The following IL1RAPL1 variants were observed in gnomAD, a reference collection of about 807,000 sequenced individuals.
IL1RAPL1 encodes interleukin-1 receptor accessory protein-like 1.
Under a neutral mutation model 48.4 loss-of-function variants are expected in IL1RAPL1, and 3 were observed. The ratio of observed to expected loss-of-function variants is 0.06; its 90% CI spans 0.03 to 0.16. The LOEUF is 0.16. Among genes scored for constraint, IL1RAPL1 ranks in the 10% least tolerant of loss-of-function variants. IL1RAPL1 has a pLI of 1.00. For missense variants in IL1RAPL1, 349 were observed against 530.6 expected, an observed-to-expected ratio of 0.66 and a Z score of 3.36; for synonymous variants, 185 against 187.7, an observed-to-expected ratio of 0.99 and a Z score of 0.12.
intron 2 of IL1RAPL1, among the ~76,000 whole-genome samples, chrX:28,883,533 T>A (rs1922555821): frequency 8.9e-6 from 1 of 112,188 alleles, no homozygotes; most frequent in Admixed American, 9.5e-5. Context: ...GAGTGAGACT[T>A]GTAAGTATTG....
chrX:29,034,916 G>A (rs954628250), intron 2 of IL1RAPL1, among the ~76,000 whole-genome samples: 125 of 107,975 alleles, frequency 1.2e-3, no homozygotes, highest in African/African-American at 4.0e-3. Context: ...GTGCAGTGGC[G>A]GGATCTCGCC....
intron 3 of IL1RAPL1, among the ~76,000 whole-genome samples, chrX:29,375,682 G>C (rs1008165037): frequency 8.9e-6 from 1 of 111,947 alleles, no homozygotes; most frequent in Non-Finnish European, 1.9e-5. Flanking sequence ...CTTCATTACA[G>C]CTTCCTCACA....
chrX:28,643,148 C>A (rs1934566309), intron 1 of IL1RAPL1, among the ~76,000 whole-genome samples: 1 of 111,487 alleles, frequency 9.0e-6, no homozygotes, highest in Non-Finnish European at 1.9e-5. Flanking sequence ...CTTGGCCTCC[C>A]AAAATGTTGG....
At chrX:28,821,905 A>G (rs1405632602) in intron 2 of IL1RAPL1, among the ~76,000 whole-genome samples, 1 of 111,508 alleles carries the variant, frequency 9.0e-6, no homozygotes, top group East Asian at 2.8e-4. Context: ...ACCAATATAC[A>G]CAGACACAGG....
In IL1RAPL1 at chrX:29,517,818, A is replaced by G. The variant is rs73450658; in HGVS notation, c.703+118510A>G. ...AGTAATCATTGGGCAGGTGGTGAGG[A>G]GGAACAGATTAGAAAATGGTTCCTC... On this transcript the variant is annotated intron_variant, in intron 5 of 10. Coordinates refer to ENST00000378993, the MANE Select transcript of IL1RAPL1 (RefSeq NM_014271.4). 8.9e-3 allele frequency among the ~76,000 whole-genome samples: 1,001 copies of G among 111,919 alleles called. 11 individuals carry two copies. Among genetic ancestry groups the G allele is most frequent in the African/African-American group, 0.031 (954 of 30,839 alleles).
intron 3 of IL1RAPL1, among the ~76,000 whole-genome samples, chrX:29,334,865 A>C (rs1356398266): frequency 6.2e-5 from 7 of 112,698 alleles, no homozygotes; most frequent in African/African-American, 2.3e-4. Flanking sequence ...CTCACTTCCC[A>C]GACGGGTTGG....
intron 3 of IL1RAPL1, among the ~76,000 whole-genome samples, chrX:29,372,695 GCCC>G (rs1933561141): frequency 9.2e-6 from 1 of 108,913 alleles, no homozygotes; most frequent in Non-Finnish European, 1.9e-5. Context: ...GCTTTTGTTA[GCCC>G]CATCAAAGAT....
intron 2 of IL1RAPL1, among the ~76,000 whole-genome samples, chrX:29,122,097 A>C (rs73210069): frequency 0.21 from 23,330 of 110,050 alleles, 2,211 homozygotes; most frequent in African/African-American, 0.35. Flanking sequence ...TTCATCCAGC[A>C]TTAGGAAAAT....
intron 5 of IL1RAPL1, among the ~76,000 whole-genome samples, chrX:29,510,759 C>T (rs1218065472): frequency 2.7e-5 from 3 of 111,720 alleles, no homozygotes; most frequent in Admixed American, 9.5e-5. Flanking sequence ...TCTAGTCATA[C>T]GGGGCCTTTC....
At chrX:29,663,281 G>A (rs1391569144) in intron 5 of IL1RAPL1, among the ~76,000 whole-genome samples, 1 of 112,260 alleles carries the variant, frequency 8.9e-6, no homozygotes, top group East Asian at 2.8e-4. Flanking sequence ...AATGGAGTGA[G>A]TCAGTGCAAT....
intron 6 of IL1RAPL1, among the ~76,000 whole-genome samples, chrX:29,850,383 GCAGTCCAC>G (rs907205917): frequency 8.9e-6 from 1 of 112,278 alleles, no homozygotes; most frequent in African/African-American, 3.2e-5. Flanking sequence ...GTTTCAAAAT[GCAGTCCAC>G]CAGTTCCAGG....
chrX:29,336,596 G>C (rs1223682840), intron 3 of IL1RAPL1, among the ~76,000 whole-genome samples: 1 of 110,290 alleles, frequency 9.1e-6, no homozygotes, highest in East Asian at 2.9e-4. Flanking sequence ...AATTAATCAA[G>C]GTATTTTGTG....
At chrX:28,819,101 A>G (rs1936901474) in intron 2 of IL1RAPL1, among the ~76,000 whole-genome samples, 1 of 110,756 alleles carries the variant, frequency 9.0e-6, no homozygotes, top group African/African-American at 3.3e-5. Context: ...GTCCCTCCAA[A>G]CACCCACTCC....
Position 28,937,448 on chromosome X carries a change from C to T in IL1RAPL1, c.82+148023C>T, listed in dbSNP as rs768148510. On this transcript the variant is annotated intron_variant, in intron 2 of 10. Transcript: ENST00000378993. ...GAACACAAAGTGTGGTATGTAATTG[C>T]CATTTTAGATATCATTAGTAGTCAC... Among the ~76,000 whole-genome samples the T allele has an allele frequency of 3.6e-5, 4 of 110,844 alleles. No homozygotes were observed. In the South Asian group the frequency reaches 1.5e-3, roughly 42 times the overall value.
At position 29,449,776 on chromosome X, in the gene IL1RAPL1, C is replaced by CAG. The variant is rs773898620; in HGVS notation, c.703+50469_703+50470insGA. 5.3e-4 allele frequency among the ~76,000 whole-genome samples: 24 copies of CAG among 44,948 alleles called. 1 individual carries two copies. Among genetic ancestry groups the CAG allele is most frequent in the African/African-American group, 2.1e-3 (19 of 8,998 alleles). The allele number at this position is 44,948 out of a possible 115,157, so 39.0% of individuals were successfully genotyped here. Reference sequence around the variant, plus strand: ...ACACACACACACACACACACACACACACACAGAGAGAGAGAGAGAGAGAAT... The same window carrying CAG: ...ACACACACACACACACACACACACACAGACACAGAGAGAGAGAGAGAGAGAAT... On this transcript the variant is annotated intron_variant, in intron 5 of 10. Transcript: ENST00000378993.
intron 1 of IL1RAPL1, among the ~76,000 whole-genome samples, chrX:28,723,076 C>A (rs1008000320): frequency 4.5e-5 from 5 of 110,949 alleles, no homozygotes; most frequent in Non-Finnish European, 5.7e-5. Flanking sequence ...TGTCTCTACC[C>A]GGCTTTGGTA....
chrX:29,059,592 C>T (rs1927297789), intron 2 of IL1RAPL1, among the ~76,000 whole-genome samples: 2 of 111,625 alleles, frequency 1.8e-5, no homozygotes, highest in East Asian at 2.8e-4. Flanking sequence ...TGAACATGAA[C>T]TTCTGGGATT....
intron 6 of IL1RAPL1, among the ~76,000 whole-genome samples, chrX:29,861,342 T>G (rs376833818): frequency 6.4e-4 from 71 of 111,353 alleles, no homozygotes; most frequent in African/African-American, 1.5e-3. Context: ...GCAATCCAAA[T>G]CTCTAAGGAT....
intron 6 of IL1RAPL1, among the ~76,000 whole-genome samples, chrX:29,681,461 A>C (rs1219191847): frequency 8.9e-6 from 1 of 112,417 alleles, no homozygotes; most frequent in Non-Finnish European, 1.9e-5. Flanking sequence ...ATAGAGTTAG[A>C]ATGAAATGGG....
Sources: gnomAD v4.1 joint callset for allele counts (sites outside exome capture counted in the v4.1 genomes callset) on GRCh38, gnomAD v4.1.1 for gene constraint, MANE v1.5 for transcripts, NCBI Gene and HGNC (gene_info 2026-07-23, HGNC 2026-07-21) for gene names.